The following ZFHX3 variants were observed in gnomAD, a reference collection of about 807,000 sequenced individuals.
ZFHX3 encodes zinc finger homeobox 3.
A neutral mutation model predicts 279.1 loss-of-function variants in ZFHX3; 42 were observed. The ratio of observed to expected loss-of-function variants is 0.15; its 90% CI spans 0.12 to 0.19. The LOEUF (loss-of-function observed/expected upper bound fraction) is 0.19. Among genes scored for constraint, ZFHX3 ranks in the 10% least tolerant of loss-of-function variants. ZFHX3 has a pLI of 1.00. For synonymous variants in ZFHX3, 2,293 were observed against 1,957.8 expected, an observed-to-expected ratio of 1.17 and a Z score of -4.52; for missense variants, 4,981 against 4,754.0, an observed-to-expected ratio of 1.05 and a Z score of -1.40.
intron 2 of ZFHX3, among the ~76,000 whole-genome samples, chr16:73,498,840 G>A (rs1044427003): frequency 1.1e-4 from 16 of 152,150 alleles, no homozygotes; most frequent in Non-Finnish European, 2.9e-5. Context: ...CTTATTGAGA[G>A]CAGTCAGCCT....
At chr16:73,661,798 T>C (rs1461357256) in intron 2 of ZFHX3, among the ~76,000 whole-genome samples, 4 of 151,124 alleles carry the variant, frequency 2.6e-5, no homozygotes. Context: ...TTATCTAAAA[T>C]TTAACTTGAG....
At chr16:73,818,276 T>C (rs1422565243) in intron 1 of ZFHX3, among the ~76,000 whole-genome samples, 1 of 152,120 alleles carries the variant, frequency 6.6e-6, no homozygotes, top group Admixed American at 6.5e-5. Flanking sequence ...TTAATTAATA[T>C]CTCTTGTAAG....
intron 3 of ZFHX3, among the ~76,000 whole-genome samples, chr16:73,371,648 C>T (rs1270668123): frequency 1.3e-5 from 2 of 152,154 alleles, no homozygotes; most frequent in Admixed American, 1.3e-4. Flanking sequence ...GTAGCAAGCA[C>T]TAGTGAGGCT....
At chr16:73,428,189 C>A (rs2017845597) in intron 3 of ZFHX3, among the ~76,000 whole-genome samples, 1 of 152,128 alleles carries the variant, frequency 6.6e-6, no homozygotes, top group Non-Finnish European at 1.5e-5. Flanking sequence ...CCTGCGGGAG[C>A]CAGGCTATTG....
Position 72,785,741 on chromosome 16 carries a change from T to C in ZFHX3, c.*1423A>G, listed in dbSNP as rs185288488. The C allele has an allele frequency of 1.2e-4, 18 of 147,088 alleles. No individual in the cohort carries two copies. In the East Asian group the frequency reaches 2.8e-3, roughly 23 times the overall value. The allele number at this position is 147,088 out of a possible 1,614,324, so 9.1% of individuals were successfully genotyped here. A position where few individuals can be genotyped will look rare whatever the true frequency, so the allele number is the denominator to read the frequency against. ...AAAAGTACACAGCCAATTACACAAA[T>C]GGAAACAAATCCTTTAGTATAGAAA... On this transcript the variant is annotated 3_prime_UTR_variant, in exon 10 of 10. Coordinates refer to ENST00000268489, the MANE Select transcript of ZFHX3 (RefSeq NM_006885.4).
chr16:73,830,687 T>G (rs1442866843), intron 1 of ZFHX3, among the ~76,000 whole-genome samples: 1 of 152,226 alleles, frequency 6.6e-6, no homozygotes, highest in Non-Finnish European at 1.5e-5. Context: ...CATCAACAAA[T>G]TGCACTTGGA....
intron 2 of ZFHX3, among the ~76,000 whole-genome samples, chr16:73,648,266 A>G (rs1316695662): frequency 1.3e-5 from 2 of 152,258 alleles, no homozygotes; most frequent in African/African-American, 4.8e-5. Context: ...TTTTCAGGTA[A>G]TGAAACAGAC....
chr16:73,258,501 C>G (rs2013725422), intron 4 of ZFHX3, among the ~76,000 whole-genome samples: 1 of 151,936 alleles, frequency 6.6e-6, no homozygotes, highest in Non-Finnish European at 1.5e-5. Context: ...AGGCGCCCAC[C>G]ACCACACCTG....
At chr16:73,747,452 G>A (rs934327314) in intron 1 of ZFHX3, among the ~76,000 whole-genome samples, 2 of 152,184 alleles carry the variant, frequency 1.3e-5, no homozygotes, top group African/African-American at 4.8e-5. Flanking sequence ...ATTTGCATCT[G>A]TCTCTGAGTG....
chr16:73,235,233 C>A (rs1373997795), intron 5 of ZFHX3, among the ~76,000 whole-genome samples: 2 of 152,014 alleles, frequency 1.3e-5, no homozygotes, highest in African/African-American at 4.8e-5. Context: ...CCACGCCTGG[C>A]AAATCTTTTG....
intron 2 of ZFHX3, among the ~76,000 whole-genome samples, chr16:73,545,629 T>C (rs2020095380): frequency 6.6e-6 from 1 of 152,184 alleles, no homozygotes; most frequent in South Asian, 2.1e-4. Flanking sequence ...GTCTTTAGTT[T>C]GTGCTCTTCT....
intron 7 of ZFHX3, among the ~76,000 whole-genome samples, chr16:72,810,274 C>T (rs993234590): frequency 1.3e-5 from 2 of 152,176 alleles, no homozygotes; most frequent in African/African-American, 4.8e-5. Context: ...CAACCTCTGC[C>T]TCCCGGGTTC....
Position 73,833,493 on chromosome 16 carries a change from C to G in ZFHX3, c.-1608+58158G>C, listed in dbSNP as rs1194521708. Among the ~76,000 whole-genome samples the G allele has an allele frequency of 2.0e-5, 3 of 152,100 alleles. No individual in the cohort carries two copies. The East Asian group carries it at 5.8e-4, about 29-fold the overall frequency. On this transcript the variant is annotated intron_variant, in intron 1 of 17. Coordinates refer to the ZFHX3 transcript ENST00000641206. ...ATTTAAACCATCATTCTTCAGCAAACTAACACAAGAAAAGAAAACCAAACA... is the reference window on the plus strand; with the variant it reads ...ATTTAAACCATCATTCTTCAGCAAAGTAACACAAGAAAAGAAAACCAAACA...
chr16:73,777,427 T>C (rs774461106), intron 1 of ZFHX3, among the ~76,000 whole-genome samples: 6 of 128,530 alleles, frequency 4.7e-5, no homozygotes, highest in South Asian at 2.6e-4. Flanking sequence ...CACTTGAACT[T>C]GGGAGGCAGA....
At chr16:73,256,977 ACTG>A (rs2013678023) in intron 5 of ZFHX3, 2 of 152,110 alleles carry the variant, frequency 1.3e-5, no homozygotes, top group Admixed American at 6.5e-5. Flanking sequence ...CATTGAAACA[ACTG>A]GTGAGAACTT....
intron 5 of ZFHX3, among the ~76,000 whole-genome samples, chr16:73,157,018 C>G (rs1967103752): frequency 6.6e-6 from 1 of 151,782 alleles, no homozygotes; most frequent in African/African-American, 2.4e-5. Flanking sequence ...GGCCTCCTGG[C>G]TTATTTTTTA....
chr16:72,933,813 C>CTTTTTTTTT lies in ZFHX3; in HGVS notation c.3216+16647_3216+16655dup, dbSNP rs71391468. On this transcript the variant is annotated intron_variant, in intron 3 of 9. Coordinates refer to ENST00000268489, the MANE Select transcript of ZFHX3 (RefSeq NM_006885.4). Reference sequence around the variant, plus strand: ...TATGAAATGTTTAGCTCACAACTTTCTTTTTTTTTTTTTTTTTTTTTTTGA... The same window carrying CTTTTTTTTT: ...TATGAAATGTTTAGCTCACAACTTTCTTTTTTTTTTTTTTTTTTTTTTTTTTTTTTTTGA... Among the ~76,000 whole-genome samples the CTTTTTTTTT allele has an allele frequency of 8.3e-4, 93 of 112,460 alleles. 4 individuals carry two copies. The highest frequency in any genetic ancestry group is 1.5e-3 in the Non-Finnish European group (74 of 50,698). The allele number at this position is 112,460 out of a possible 152,430, so 73.8% of individuals were successfully genotyped here.
chr16:73,450,660 C>T (rs2018268551), intron 3 of ZFHX3, among the ~76,000 whole-genome samples: 1 of 152,172 alleles, frequency 6.6e-6, no homozygotes, highest in Non-Finnish European at 1.5e-5. Flanking sequence ...TCTCTTGATG[C>T]TGCCAGATCC....
intron 5 of ZFHX3, among the ~76,000 whole-genome samples, chr16:73,248,103 T>G (rs1259553254): frequency 6.6e-6 from 1 of 151,946 alleles, no homozygotes; most frequent in Non-Finnish European, 1.5e-5. Context: ...TATATGTGCC[T>G]GTATGTGGAG....
Sources: allele counts gnomAD v4.1 joint callset (sites outside exome capture counted in the v4.1 genomes callset), GRCh38; gene constraint gnomAD v4.1.1; transcripts MANE v1.5; gene names NCBI Gene and HGNC (gene_info 2026-07-23, HGNC 2026-07-21).